Variants in CGREF1 observed in about 807,000 individuals in gnomAD.
The protein encoded by CGREF1 is cell growth regulator with EF-hand domain 1.
In CGREF1, 16 loss-of-function variants were observed where a neutral mutation model predicts 17.4. The ratio of observed to expected loss-of-function variants is 0.92; its 90% CI spans 0.62 to 1.40. The LOEUF (loss-of-function observed/expected upper bound fraction) is 1.40, where lower values mean the gene tolerates loss of function less well. Among genes scored for constraint, CGREF1 ranks in the 40% most tolerant of loss-of-function variants. The pLI is 0.00. For synonymous variants in CGREF1, 142 were observed against 154.6 expected, an observed-to-expected ratio of 0.92 and a Z score of 0.61; for missense variants, 296 against 376.4, an observed-to-expected ratio of 0.79 and a Z score of 1.77.
chr2:27,118,335 C>A (rs917991519), intron 1 of CGREF1, among the ~76,000 whole-genome samples: 1 of 152,160 alleles, frequency 6.6e-6, no homozygotes, highest in Non-Finnish European at 1.5e-5. Flanking sequence ...TGAGTAGAAT[C>A]CTCTCCCTTA....
chr2:27,111,871 G>GCAAGCT (rs1419751874), intron 1 of CGREF1, among the ~76,000 whole-genome samples: 1 of 152,192 alleles, frequency 6.6e-6, no homozygotes, highest in African/African-American at 2.4e-5. Flanking sequence ...CCTGCAAGCT[G>GCAAGCT]AAGGAGCCGG....
intron 2 of CGREF1, among the ~76,000 whole-genome samples, chr2:27,103,621 G>C (rs996249591): frequency 2.0e-5 from 3 of 150,910 alleles, no homozygotes; most frequent in African/African-American, 7.3e-5. Context: ...TGATCTGTCC[G>C]CCTCGGCCTC....
chr2:27,101,564 C>A lies in CGREF1; in HGVS notation c.667G>T (p.Gly223Trp), dbSNP rs1304391497. The A allele has an allele frequency of 1.4e-5, 22 of 1,613,528 alleles. No homozygotes were observed. The highest frequency in any genetic ancestry group is 1.8e-5 in the Non-Finnish European group (21 of 1,180,020). The change falls in exon 6 of 6, where the codon GGG becomes TGG. Residue 223 changes from glycine to tryptophan, a missense_variant. Physicochemically the swap from Gly to Trp is radical, Grantham distance 184. Transcript: ENST00000402394. ...EADGDVPGPR[G>W]EAEGQAEAKG... is the part of the protein sequence containing the mutation. The stretch of plus-strand genomic sequence containing the variant: ...GCCTCTGCCTGGCCCTCAGCTTCCC[C>A]TCTGGGCCCTGGAACATCTCCATCA...
intron 1 of CGREF1, among the ~76,000 whole-genome samples, chr2:27,111,404 A>T (rs1671377094): frequency 6.6e-6 from 1 of 152,332 alleles, no homozygotes; most frequent in South Asian, 2.1e-4. Flanking sequence ...AGCTAGACAT[A>T]AAGGTTCTCC....
intron 1 of CGREF1, among the ~76,000 whole-genome samples, chr2:27,117,450 A>G (rs1426005417): frequency 2.0e-5 from 3 of 152,250 alleles, no homozygotes; most frequent in Non-Finnish European, 4.4e-5. Flanking sequence ...GTGCATGAAC[A>G]TAATTACCCT....
chr2:27,109,570 C>A lies in CGREF1; in HGVS notation c.-11-5193G>T, dbSNP rs181909034. 2.6e-5 allele frequency among the ~76,000 whole-genome samples: 4 copies of A among 152,084 alleles called. No individual in the cohort carries two copies. In the South Asian group the frequency reaches 6.2e-4, roughly 24 times the overall value. Reference sequence around the variant, plus strand: ...GATGGCTGTTTGGGAAGAGAGTGGACATATTGATGAACTTTGTTAAATATG... The same window carrying A: ...GATGGCTGTTTGGGAAGAGAGTGGAAATATTGATGAACTTTGTTAAATATG... On this transcript the variant is annotated intron_variant, in intron 1 of 5. Coordinates refer to ENST00000402394, the MANE Select transcript of CGREF1 (RefSeq NM_006569.6).
At chr2:27,105,409 G>A (rs1337905469) in intron 1 of CGREF1, among the ~76,000 whole-genome samples, 1 of 152,202 alleles carries the variant, frequency 6.6e-6, no homozygotes, top group Non-Finnish European at 1.5e-5. Context: ...GAGATGAGGG[G>A]TAGAGCAGGT....
intron 1 of CGREF1, among the ~76,000 whole-genome samples, chr2:27,105,869 C>T (rs1671103067): frequency 6.6e-6 from 1 of 152,216 alleles, no homozygotes; most frequent in South Asian, 2.1e-4. Context: ...TCTATGCATA[C>T]AACTGGCCCA....
intron 5 of CGREF1, 35 bp from the exon 6 acceptor site, chr2:27,101,923 A>G (rs1453328368): frequency 6.2e-7 from 1 of 1,601,416 alleles, no homozygotes; most frequent in Admixed American, 1.7e-5. Flanking sequence ...GTCTCCAGGG[A>G]CAGAGATGTT....
At chr2:27,116,871 T>TTCTTTCTCTCTCTCTCTCTCTC (rs1671586370) in intron 1 of CGREF1, among the ~76,000 whole-genome samples, 2 of 33,678 alleles carry the variant, frequency 5.9e-5, no homozygotes, top group African/African-American at 2.1e-4. Context: ...GCCAGGCCTA[T>TTCTTTCTCTCTCTCTCTCTCTC]TCTCTCTCTC....
At chr2:27,104,780 A>G in intron 1 of CGREF1, 1 of 1,471,536 alleles carries the variant, frequency 6.8e-7, no homozygotes, top group East Asian at 2.5e-5. Flanking sequence ...AGGCCAGGTA[A>G]GAAACGCAGG....
At chr2:27,100,359 A>C (rs1007007511), downstream of CGREF1, 26 of 1,153,980 alleles carry the variant, frequency 2.3e-5, no homozygotes, top group Admixed American at 2.8e-4. Context: ...CATTGTCCAG[A>C]AATACCTCCT....
chr2:27,099,446 A>T (rs1670645599), downstream of CGREF1: 1 of 1,613,654 alleles, frequency 6.2e-7, no homozygotes, highest in Non-Finnish European at 8.5e-7. Context: ...GCCTGGGCTG[A>T]GGAGGGCGCC....
At chr2:27,115,243 A>T (rs1465620183) in intron 1 of CGREF1, among the ~76,000 whole-genome samples, 4 of 152,122 alleles carry the variant, frequency 2.6e-5, no homozygotes, top group Admixed American at 1.3e-4. Context: ...CCTGCAAATT[A>T]TGCACCTGGT....
chr2:27,101,264 T>A lies in CGREF1; in HGVS notation c.*10A>T, dbSNP rs750958789. On this transcript the variant is annotated 3_prime_UTR_variant, in exon 6 of 6. Transcript: ENST00000402394. The stretch of plus-strand genomic sequence containing the variant: ...ACTGAGACTTCGTGGGGTACCTGTA[T>A]CTTCAAGATCTAGATCTCATCATTC... The A allele has an allele frequency of 5.9e-6, 9 of 1,532,452 alleles. No individual in the cohort carries two copies. Among genetic ancestry groups the A allele is most frequent in the Admixed American group, 4.2e-5 (2 of 48,098 alleles). 94.9% of individuals were successfully genotyped at this position (1,532,452 alleles called of 1,614,324 possible). A position where few individuals can be genotyped will look rare whatever the true frequency, so the allele number is the denominator to read the frequency against.
chr2:27,116,223 C>CA (rs34733143), intron 1 of CGREF1, among the ~76,000 whole-genome samples: 42,145 of 103,830 alleles, frequency 0.41, 7,413 homozygotes, highest in Admixed American at 0.53. Context: ...AAGATGCCAC[C>CA]AAAAAAAAAA....
intron 1 of CGREF1, among the ~76,000 whole-genome samples, chr2:27,115,721 A>C (rs1455967257): frequency 6.6e-6 from 1 of 152,198 alleles, no homozygotes; most frequent in African/African-American, 2.4e-5. Context: ...CTACAATCAG[A>C]TATCAAGTTA....
In CGREF1 at chr2:27,101,852, C is replaced by T; in HGVS notation, c.379G>A (p.Asp127Asn). ...GTCATGAGCCCATCCCCATTCAGGTCCTGGGTCTCGAGCACTTTGTCCACT... is the reference window on the plus strand; with the variant it reads ...GTCATGAGCCCATCCCCATTCAGGTTCTGGGTCTCGAGCACTTTGTCCACT... The part of the protein sequence containing the change: ...LIVDKVLETQ[D>N]LNGDGLMTPA... The change falls in exon 6 of 6, where the codon GAC becomes AAC. Residue 127 changes from aspartate to asparagine, a missense_variant. Transcript: ENST00000402394. The T allele has an allele frequency of 1.2e-6, 2 of 1,613,838 alleles. No homozygotes were observed. The highest frequency in any genetic ancestry group is 1.7e-6 in the Non-Finnish European group (2 of 1,179,974).
intron 1 of CGREF1, among the ~76,000 whole-genome samples, chr2:27,113,023 T>C (rs1671447805): frequency 6.6e-6 from 1 of 152,142 alleles, no homozygotes; most frequent in Non-Finnish European, 1.5e-5. Flanking sequence ...GTGCCTTGTT[T>C]CCAGGAAGGT....
Sources: allele counts gnomAD v4.1 joint callset (sites outside exome capture counted in the v4.1 genomes callset), GRCh38; gene constraint gnomAD v4.1.1; transcripts MANE v1.5; gene names NCBI Gene and HGNC (gene_info 2026-07-23, HGNC 2026-07-21).